Variants in ENOX1 observed in about 807,000 individuals in gnomAD.
The protein encoded by ENOX1 is candidate growth-related and time keeping constitutive hydroquinone (NADH) oxidase.
ENOX1 carries 42 observed loss-of-function variants against 82.5 expected under a neutral mutation model. The observed-to-expected ratio is 0.51, with a 90% CI of 0.40 to 0.66. ENOX1 has a LOEUF of 0.66. ENOX1 is among the 30% of genes least tolerant of loss of function. The probability of loss-of-function intolerance (pLI) is 0.00; values close to 1 mark genes in which losing one functional copy is unlikely to be tolerated. For synonymous variants in ENOX1, 271 were observed against 282.2 expected (o/e 0.96, Z 0.40); for missense variants, 608 against 811.6 (o/e 0.75, Z 3.05).
intron 2 of ENOX1, among the ~76,000 whole-genome samples, chr13:43,521,349 T>C (rs1041759610): frequency 6.6e-6 from 1 of 152,128 alleles, no homozygotes; most frequent in Non-Finnish European, 1.5e-5. Flanking sequence ...ACACATATTG[T>C]GCAGGGTACT....
chr13:43,615,858 C>T (rs898604796), intron 2 of ENOX1, among the ~76,000 whole-genome samples: 18 of 151,710 alleles, frequency 1.2e-4, no homozygotes, highest in African/African-American at 4.1e-4. Context: ...TTTTCTGTTC[C>T]TGTGTTAGTT....
At chr13:43,361,473 C>T (rs1411265942) in intron 5 of ENOX1, 21 bp from the exon 6 acceptor site, 2 of 1,579,552 alleles carry the variant, frequency 1.3e-6, no homozygotes, top group Non-Finnish European at 1.7e-6. Flanking sequence ...TACAAGATAA[C>T]ATTTTGACTG....
chr13:43,241,567 A>G (rs982978474), intron 14 of ENOX1, among the ~76,000 whole-genome samples: 1 of 152,122 alleles, frequency 6.6e-6, no homozygotes, highest in African/African-American at 2.4e-5. Flanking sequence ...AACACAGTAA[A>G]AGCACACCAG....
rs1427465175 is a variant in ENOX1 at position 43,681,550 on chromosome 13, T to C, written c.-284-14006A>G. Among the ~76,000 whole-genome samples the C allele has an allele frequency of 2.0e-5, 3 of 151,654 alleles. No individual in the cohort carries two copies. The East Asian group carries it at 5.8e-4, about 29-fold the overall frequency. Reference sequence around the variant, plus strand: ...ATCTTACTGTTTTTAATTTAATAAATGTGTTTTATTATTGACTTTATTGCT... The same window carrying C: ...ATCTTACTGTTTTTAATTTAATAAACGTGTTTTATTATTGACTTTATTGCT... On this transcript the variant is annotated intron_variant, in intron 1 of 16. Transcript: ENST00000690772.
chr13:43,526,850 G>A (rs1443269891), intron 2 of ENOX1, among the ~76,000 whole-genome samples: 3 of 152,068 alleles, frequency 2.0e-5, no homozygotes, highest in Admixed American at 6.6e-5. Context: ...GGATTAAGAG[G>A]TGACATGGTC....
At position 43,337,009 on chromosome 13, in the gene ENOX1, T is replaced by C. The variant is rs548558059; in HGVS notation, c.1036+7529A>G. ...AGTTCTAACCTTTCCAATCTCCAGG[T>C]TGAAATGATATTGATAACGGTACTC... On this transcript the variant is annotated intron_variant, in intron 9 of 16. Transcript: ENST00000690772. Among the ~76,000 whole-genome samples the C allele has an allele frequency of 2.0e-5, 3 of 152,288 alleles. No homozygotes were observed. The South Asian group carries it at 6.2e-4, about 32-fold the overall frequency.
At chr13:43,761,113 A>C (rs573714858) in intron 1 of ENOX1, among the ~76,000 whole-genome samples, 4 of 152,136 alleles carry the variant, frequency 2.6e-5, no homozygotes, top group African/African-American at 9.6e-5. Flanking sequence ...AGAGGCCCAA[A>C]GGTCTTCCTG....
intron 5 of ENOX1, among the ~76,000 whole-genome samples, chr13:43,395,343 C>T (rs758087647): frequency 7.2e-5 from 11 of 152,138 alleles, no homozygotes; most frequent in Middle Eastern, 3.2e-3. Flanking sequence ...TGGTGGAACC[C>T]CATCTCTACT....
rs2054753618 is a variant in ENOX1, at chr13:43,418,296, G to A, written c.-74-5308C>T. Among the ~76,000 whole-genome samples, 3 of 152,344 alleles carry A rather than the reference G, an allele frequency of 2.0e-5. No homozygotes were observed. The South Asian group carries it at 6.2e-4, about 32-fold the overall frequency. On this transcript the variant is annotated intron_variant, in intron 3 of 16. Coordinates refer to ENST00000690772, the MANE Select transcript of ENOX1 (RefSeq NM_001347969.2). ...TAATCCCAGCACTTTGGGAGGTGGA[G>A]GCGGGCCAATCACCTGAGGTCAGGT...
At chr13:43,669,049 A>G (rs565276727) in intron 1 of ENOX1, among the ~76,000 whole-genome samples, 1 of 152,332 alleles carries the variant, frequency 6.6e-6, no homozygotes, top group South Asian at 2.1e-4. Context: ...AATGGCAAAC[A>G]TCAAACACAA....
chr13:43,774,461 T>C (rs1465066371), intron 1 of ENOX1, among the ~76,000 whole-genome samples: 1 of 149,428 alleles, frequency 6.7e-6, no homozygotes, highest in East Asian at 2.1e-4. Context: ...CTTCAGTGAT[T>C]ATAGGTGTGC....
chr13:43,236,299 C>A (rs181394608), intron 15 of ENOX1, among the ~76,000 whole-genome samples: 13 of 152,228 alleles, frequency 8.5e-5, no homozygotes, highest in African/African-American at 2.9e-4. Context: ...GGGGATATGG[C>A]TTGGTTTGGA....
At chr13:43,276,308 TCCTG>T (rs1222308948) in intron 12 of ENOX1, among the ~76,000 whole-genome samples, 1 of 152,164 alleles carries the variant, frequency 6.6e-6, no homozygotes, top group East Asian at 1.9e-4. Flanking sequence ...TCCCGCCCCA[TCCTG>T]CCTCTGTAAC....
chr13:43,576,334 A>G (rs1395999653), intron 2 of ENOX1, among the ~76,000 whole-genome samples: 1 of 152,228 alleles, frequency 6.6e-6, no homozygotes, highest in Non-Finnish European at 1.5e-5. Context: ...TCTCTAGGAA[A>G]GCTTCCCACA....
chr13:43,529,342 T>C (rs2078115517), intron 2 of ENOX1, among the ~76,000 whole-genome samples: 1 of 152,002 alleles, frequency 6.6e-6, no homozygotes, highest in Admixed American at 6.6e-5. Context: ...GTAACCCTTA[T>C]TTGACTTACT....
rs778834778 is a variant in ENOX1, at chr13:43,655,517, A to G, written c.-219+11962T>C. Reference sequence around the variant, plus strand: ...TCACTCTTCTGCAGTCATTCTTAGCATGCACCAACTGTCTTCCTCCTGTCT... The same window carrying G: ...TCACTCTTCTGCAGTCATTCTTAGCGTGCACCAACTGTCTTCCTCCTGTCT... On this transcript the variant is annotated intron_variant, in intron 2 of 16. Transcript: ENST00000690772. Among the ~76,000 whole-genome samples, 115 of 152,270 alleles carry G rather than the reference A, an allele frequency of 7.6e-4. 2 individuals carry two copies. Among genetic ancestry groups the G allele is most frequent in the Middle Eastern group, 3.4e-3 (1 of 294 alleles).
In ENOX1 at chr13:43,298,525, C is replaced by T; in HGVS notation, c.1267G>A (p.Ala423Thr). 1 of 1,610,104 alleles carries T rather than the reference C, an allele frequency of 6.2e-7. No homozygotes were observed. Among genetic ancestry groups the T allele is most frequent in the Non-Finnish European group, 8.5e-7 (1 of 1,178,572 alleles). The change falls in exon 12 of 17, where the codon GCT (alanine) becomes ACT (threonine). Residue 423 changes from alanine (A) to threonine (T), a missense_variant. Transcript: ENST00000690772. ...KKMRVDESAL[A>T]AQAYALKEEN... Reference sequence around the variant, plus strand: ...TCTTTCAGAGCGTAGGCCTGGGCAGCCAGGGCTGAGGGACAAACAGAACGA... The same window carrying T: ...TCTTTCAGAGCGTAGGCCTGGGCAGTCAGGGCTGAGGGACAAACAGAACGA...
chr13:43,647,253 G>A (rs1415532149), intron 2 of ENOX1, among the ~76,000 whole-genome samples: 1 of 152,188 alleles, frequency 6.6e-6, no homozygotes, highest in East Asian at 1.9e-4. Flanking sequence ...GTGTCATCAT[G>A]TGTAAAATGG....
At chr13:43,254,359 G>A (rs917733172) in intron 14 of ENOX1, among the ~76,000 whole-genome samples, 4 of 151,978 alleles carry the variant, frequency 2.6e-5, no homozygotes, top group Non-Finnish European at 1.5e-5. Flanking sequence ...AAATATTATT[G>A]AGGCTATTTC....
Sources: allele counts gnomAD v4.1 joint callset (sites outside exome capture counted in the v4.1 genomes callset), GRCh38; gene constraint gnomAD v4.1.1; transcripts MANE v1.5; gene names NCBI Gene and HGNC (gene_info 2026-07-23, HGNC 2026-07-21).